The following FGFR1OP2 variants were observed in gnomAD, a reference collection of about 807,000 sequenced individuals.
FGFR1OP2 encodes the protein FGFR1 oncogene partner 2.
Under a neutral mutation model 35.2 loss-of-function variants are expected in FGFR1OP2, and 17 were observed. That is an observed-to-expected ratio of 0.48 (90% confidence interval 0.33 to 0.73). The LOEUF (loss-of-function observed/expected upper bound fraction) is 0.73, where lower values mean the gene tolerates loss of function less well. Ranked by LOEUF, FGFR1OP2 falls within the 30% of genes least tolerant of loss-of-function variation. FGFR1OP2 has a pLI of 0.02. For synonymous variants in FGFR1OP2, 105 were observed against 104.6 expected, an observed-to-expected ratio of 1.00 and a Z score of -0.03; for missense variants, 251 against 307.3, an observed-to-expected ratio of 0.82 and a Z score of 1.37.
At chr12:26,950,946 G>C (rs1367081804) in intron 1 of FGFR1OP2, among the ~76,000 whole-genome samples, 1 of 152,154 alleles carries the variant, frequency 6.6e-6, no homozygotes, top group Non-Finnish European at 1.5e-5. Context: ...ATATGAAAAA[G>C]AGAGAGTAGC....
intron 4 of FGFR1OP2, among the ~76,000 whole-genome samples, chr12:26,959,353 G>A (rs1939070048): frequency 1.3e-5 from 2 of 151,998 alleles, no homozygotes; most frequent in Middle Eastern, 3.4e-3. Flanking sequence ...TAGTAACTAA[G>A]ACTTTTTAAA....
chr12:26,951,866 C>G (rs1018560740), intron 1 of FGFR1OP2, among the ~76,000 whole-genome samples: 1 of 152,070 alleles, frequency 6.6e-6, no homozygotes, highest in African/African-American at 2.4e-5. Flanking sequence ...TTATAGTAGT[C>G]CCAACAATAT....
intron 1 of FGFR1OP2, among the ~76,000 whole-genome samples, chr12:26,950,308 C>T (rs1266264413): frequency 5.1e-5 from 7 of 138,454 alleles, no homozygotes; most frequent in South Asian, 2.4e-4. Context: ...CTGCAAGCTC[C>T]GCCTCCCGGG....
intron 1 of FGFR1OP2, among the ~76,000 whole-genome samples, chr12:26,945,470 A>G (rs1196632145): frequency 1.3e-5 from 2 of 152,198 alleles, no homozygotes; most frequent in Non-Finnish European, 1.5e-5. Flanking sequence ...TTGACTTATT[A>G]TATAGAAGTA....
Position 26,956,668 on chromosome 12 carries a change from AC to A in FGFR1OP2, c.253+9del. 1.3e-6 allele frequency: 2 copies of A among 1,538,298 alleles called. No individual in the cohort carries two copies. The highest frequency in any genetic ancestry group is 1.8e-6 in the Non-Finnish European group (2 of 1,128,574). ...TGCAACAAGAAAACAAAGGTAAGAT[AC>A]GTTACTTTTTGACATTAATCCCATT... On this transcript the variant is annotated intron_variant, in intron 3 of 6. Coordinates refer to ENST00000229395, the MANE Select transcript of FGFR1OP2 (RefSeq NM_015633.3).
intron 1 of FGFR1OP2, among the ~76,000 whole-genome samples, chr12:26,948,446 T>G (rs1938863927): frequency 6.6e-6 from 1 of 152,240 alleles, no homozygotes; most frequent in Non-Finnish European, 1.5e-5. Context: ...GGTCTGTTCT[T>G]TCAGCATTTT....
At chr12:26,938,991 C>T (rs1245158510) in intron 1 of FGFR1OP2, among the ~76,000 whole-genome samples, 2 of 152,214 alleles carry the variant, frequency 1.3e-5, no homozygotes, top group Non-Finnish European at 2.9e-5. Context: ...TTTCATCCTG[C>T]CTTACCCACC....
rs931792406 is a variant in FGFR1OP2, at chr12:26,960,709, C to T, written c.510+81C>T. On this transcript the variant is annotated intron_variant, in intron 5 of 6. Coordinates refer to ENST00000229395, the MANE Select transcript of FGFR1OP2 (RefSeq NM_015633.3). ...AAAAGTGCTTTTACATTGAATTTCC[C>T]TCCCAGATTAGATCAGCAAATAAAT... The T allele has an allele frequency of 1.6e-5, 24 of 1,500,776 alleles. No homozygotes were observed. In the African/African-American group the frequency reaches 3.1e-4, roughly 19 times the overall value. The allele number at this position is 1,500,776 out of a possible 1,614,324, so 93.0% of individuals were successfully genotyped here. A position where few individuals can be genotyped will look rare whatever the true frequency, so the allele number is the denominator to read the frequency against.
At chr12:26,963,580 T>C in intron 6 of FGFR1OP2, 125 bp downstream of exon 6, 1 of 582,866 alleles carries the variant, frequency 1.7e-6, no homozygotes. Flanking sequence ...CTGGATGCTG[T>C]CTATGTGGGC....
intron 2 of FGFR1OP2, 25 bp from the exon 3 acceptor site, chr12:26,956,518 C>G: frequency 9.7e-7 from 1 of 1,026,742 alleles, no homozygotes; most frequent in African/African-American, 1.7e-5. Context: ...GTATTTTCAT[C>G]CCACATGTTT....
At chr12:26,950,213 G>GTTTTTTGTTT (rs1938899551) in intron 1 of FGFR1OP2, among the ~76,000 whole-genome samples, 2 of 50,934 alleles carry the variant, frequency 3.9e-5, no homozygotes, top group African/African-American at 1.6e-4. Context: ...TGTATTCGTT[G>GTTTTTTGTTT]TTTTTTTTTT....
chr12:26,945,861 CAAAAAAAA>C (rs74728377), intron 1 of FGFR1OP2, among the ~76,000 whole-genome samples: 2 of 81,470 alleles, frequency 2.5e-5, no homozygotes, highest in Non-Finnish European at 5.0e-5. Context: ...AACTCCGTCT[CAAAAAAAA>C]AAAAAAAAAA....
chr12:26,951,782 C>T (rs1938932777), intron 1 of FGFR1OP2, among the ~76,000 whole-genome samples: 2 of 151,974 alleles, frequency 1.3e-5, no homozygotes, highest in Admixed American at 6.6e-5. Flanking sequence ...GACCTTATTG[C>T]GTTTTATTTG....
chr12:26,955,729 G>A (rs531568847), intron 2 of FGFR1OP2, among the ~76,000 whole-genome samples: 2 of 152,294 alleles, frequency 1.3e-5, no homozygotes, highest in South Asian at 4.1e-4. Flanking sequence ...CAGCTGATAG[G>A]CATTTGGATT....
At position 26,954,143 on chromosome 12, in the gene FGFR1OP2, A is replaced by G; in HGVS notation, c.-14-2A>G. 1 of 1,558,518 alleles carries G rather than the reference A, an allele frequency of 6.4e-7. No homozygotes were observed. The highest frequency in any genetic ancestry group is 8.7e-7 in the Non-Finnish European group (1 of 1,151,902). The stretch of plus-strand genomic sequence containing the variant: ...GAGTCTTGATTTTAATTTTAATTAT[A>G]GATATATCTTTAGAAATGAGTTGCA... On this transcript the variant is annotated splice_acceptor_variant, in intron 1 of 6. Coordinates refer to ENST00000229395, the MANE Select transcript of FGFR1OP2 (RefSeq NM_015633.3). LOFTEE classifies it low-confidence loss of function (5UTR_SPLICE).
chr12:26,963,954 C>G (rs568495064), intron 6 of FGFR1OP2, among the ~76,000 whole-genome samples: 13 of 152,190 alleles, frequency 8.5e-5, no homozygotes, highest in Admixed American at 6.5e-4. Context: ...GGCGGGGAAC[C>G]TGCTTTAGAC....
chr12:26,951,493 T>A (rs1435902625), intron 1 of FGFR1OP2, among the ~76,000 whole-genome samples: 1 of 152,110 alleles, frequency 6.6e-6, no homozygotes, highest in Non-Finnish European at 1.5e-5. Flanking sequence ...CTAATTTTTG[T>A]ATTTTTAGTA....
At chr12:26,960,397 G>T in intron 4 of FGFR1OP2, 118 bp from the exon 5 acceptor site, 2 of 577,000 alleles carry the variant, frequency 3.5e-6, no homozygotes, top group Non-Finnish European at 5.4e-6. Flanking sequence ...TGCCTTTTTG[G>T]AAATCTTAAA....
intron 4 of FGFR1OP2, among the ~76,000 whole-genome samples, chr12:26,959,985 G>A (rs1939080102): frequency 6.6e-6 from 1 of 152,020 alleles, no homozygotes; most frequent in African/African-American, 2.4e-5. Context: ...AATATTAACT[G>A]TCATAAGGAA....
Sources: allele counts gnomAD v4.1 joint callset (sites outside exome capture counted in the v4.1 genomes callset), GRCh38; gene constraint gnomAD v4.1.1; transcripts MANE v1.5; gene names NCBI Gene and HGNC (gene_info 2026-07-23, HGNC 2026-07-21).